The following MGAT4C variants were observed in gnomAD, a reference collection of about 807,000 sequenced individuals.
MGAT4C encodes alpha-1,3-mannosyl-glycoprotein 4-beta-N-acetylglucosaminyltransferase C.
A neutral mutation model predicts 40.1 loss-of-function variants in MGAT4C; 19 were observed. That is an observed-to-expected ratio of 0.47 (90% CI 0.33 to 0.70). The LOEUF (loss-of-function observed/expected upper bound fraction) is 0.70, where lower values mean the gene tolerates loss of function less well. Ranked by LOEUF, MGAT4C falls within the 30% of genes least tolerant of loss-of-function variation. MGAT4C has a pLI of 0.02. For synonymous variants in MGAT4C, 181 were observed against 187.1 expected (o/e 0.97, Z 0.27); for missense variants, 491 against 563.2 (o/e 0.87, Z 1.30).
At chr12:86,054,819 G>C (rs536461942) in intron 1 of MGAT4C, among the ~76,000 whole-genome samples, 1 of 151,866 alleles carries the variant, frequency 6.6e-6, no homozygotes, top group South Asian at 2.1e-4. Context: ...TGAAGTGTGG[G>C]CCTCTCATTT....
At chr12:86,166,569 G>A (rs1886215780) in intron 1 of MGAT4C, among the ~76,000 whole-genome samples, 1 of 152,180 alleles carries the variant, frequency 6.6e-6, no homozygotes, top group South Asian at 2.1e-4. Context: ...CTACTCGGGA[G>A]GCTGAGGCAT....
Position 85,969,575 on chromosome 12 carries a change from GA to G in MGAT4C, c.*9713del, listed in dbSNP as rs1032096021. On this transcript the variant is annotated 3_prime_UTR_variant, in exon 5 of 5. Coordinates refer to ENST00000611864, the MANE Select transcript of MGAT4C (RefSeq NM_001351288.2). ...TTAGATGTTCAAGTTTAAAAAATGA[GA>G]AAAAAATGTTTTACATGAAGAAACT... The G allele has an allele frequency of 1.3e-5, 2 of 151,258 alleles. No homozygotes were observed. The highest frequency in any genetic ancestry group is 1.3e-4 in the Admixed American group (2 of 15,160). 9.4% of individuals were successfully genotyped at this position (151,258 alleles called of 1,614,324 possible).
intron 1 of MGAT4C, among the ~76,000 whole-genome samples, chr12:86,743,660 A>G (rs937788084): frequency 1.3e-5 from 2 of 151,554 alleles, no homozygotes; most frequent in Non-Finnish European, 1.5e-5. Flanking sequence ...ATTGTTAAAC[A>G]AAGCCCAGGT....
intron 3 of MGAT4C, among the ~76,000 whole-genome samples, chr12:86,357,295 G>A (rs1054139903): frequency 6.6e-6 from 1 of 152,078 alleles, no homozygotes; most frequent in South Asian, 2.1e-4. Context: ...AAACAGAAAG[G>A]ACATCCACAC....
rs146987672 is a variant in MGAT4C, at chr12:86,632,226, G to A, written c.-229+94983C>T. ...ATGAGATAGCATCTCATACCAGTTAGAATGGGGATCATTAAAAAGTCAGGA... is the reference window on the plus strand; with the variant it reads ...ATGAGATAGCATCTCATACCAGTTAAAATGGGGATCATTAAAAAGTCAGGA... On this transcript the variant is annotated intron_variant, in intron 2 of 7. Transcript: ENST00000548651. 3.5e-3 allele frequency among the ~76,000 whole-genome samples: 526 copies of A among 152,218 alleles called. 4 individuals are homozygous for A. The highest frequency in any genetic ancestry group is 0.012 in the African/African-American group (507 of 41,488).
At chr12:86,752,022 A>G (rs781582754) in intron 1 of MGAT4C, among the ~76,000 whole-genome samples, 22 of 152,014 alleles carry the variant, frequency 1.4e-4, no homozygotes, top group Admixed American at 7.9e-4. Context: ...TTGGAGCACA[A>G]TGAGACACAG....
chr12:86,386,095 T>G (rs1956045453), intron 3 of MGAT4C, among the ~76,000 whole-genome samples: 1 of 152,114 alleles, frequency 6.6e-6, no homozygotes, highest in African/African-American at 2.4e-5. Context: ...CACGTCTGGC[T>G]AATTTTTTGT....
intron 1 of MGAT4C, among the ~76,000 whole-genome samples, chr12:86,816,630 G>A (rs1952613003): frequency 6.6e-6 from 1 of 151,564 alleles, no homozygotes; most frequent in South Asian, 2.1e-4. Flanking sequence ...TATCTTTTAT[G>A]TGAGAATTTG....
chr12:86,784,352 C>T (rs1330727488), intron 1 of MGAT4C, among the ~76,000 whole-genome samples: 2 of 152,054 alleles, frequency 1.3e-5, no homozygotes, highest in Non-Finnish European at 2.9e-5. Flanking sequence ...AACATTCATT[C>T]CTTCCTTCAT....
At chr12:86,205,491 T>C (rs1950216368) in intron 1 of MGAT4C, among the ~76,000 whole-genome samples, 2 of 151,686 alleles carry the variant, frequency 1.3e-5, no homozygotes, top group Non-Finnish European at 3.0e-5. Flanking sequence ...TCAACATTAG[T>C]TTAGTATCTA....
intron 2 of MGAT4C, among the ~76,000 whole-genome samples, chr12:86,014,229 G>A (rs1376490431): frequency 6.6e-6 from 1 of 151,952 alleles, no homozygotes; most frequent in Admixed American, 6.6e-5. Context: ...TTTAATTTTG[G>A]CAACGGCATT....
intron 3 of MGAT4C, among the ~76,000 whole-genome samples, chr12:86,348,576 C>T (rs1353728376): frequency 6.6e-6 from 1 of 152,006 alleles, no homozygotes; most frequent in South Asian, 2.1e-4. Context: ...TTTATGTGGC[C>T]CTGGCACTTG....
At chr12:86,129,927 AC>A (rs1880929289) in intron 1 of MGAT4C, among the ~76,000 whole-genome samples, 1 of 152,174 alleles carries the variant, frequency 6.6e-6, no homozygotes, top group African/African-American at 2.4e-5. Flanking sequence ...AACATAAAGC[AC>A]ATGCACTGTG....
intron 3 of MGAT4C, among the ~76,000 whole-genome samples, chr12:86,394,252 T>C (rs553586083): frequency 1.3e-5 from 2 of 152,194 alleles, no homozygotes; most frequent in African/African-American, 4.8e-5. Context: ...CATCAGACTA[T>C]CCGTTATTTG....
chr12:86,158,377 T>C (rs936684557), intron 1 of MGAT4C, among the ~76,000 whole-genome samples: 1 of 152,172 alleles, frequency 6.6e-6, no homozygotes, highest in African/African-American at 2.4e-5. Flanking sequence ...TTATGCATTA[T>C]TAAAATAAAG....
chr12:86,741,273 A>G (rs1412688948), intron 1 of MGAT4C, among the ~76,000 whole-genome samples: 1 of 151,334 alleles, frequency 6.6e-6, no homozygotes, highest in East Asian at 1.9e-4. Flanking sequence ...ACAATTTAAA[A>G]TAAAGACATT....
chr12:86,132,775 G>C (rs1434630776), intron 1 of MGAT4C, among the ~76,000 whole-genome samples: 5 of 115,002 alleles, frequency 4.3e-5, no homozygotes, highest in African/African-American at 1.8e-4. Context: ...CTGGGCTACA[G>C]AGCGAGACTC....
intron 2 of MGAT4C, among the ~76,000 whole-genome samples, chr12:86,692,585 T>C (rs985165604): frequency 6.6e-6 from 1 of 152,222 alleles, no homozygotes; most frequent in Non-Finnish European, 1.5e-5. Flanking sequence ...CTTATGGAGA[T>C]GAAAATAGTC....
rs534137605 is a variant in MGAT4C, at chr12:86,217,490, CTGTT to C, written c.-57+38745_-57+38748del. On this transcript the variant is annotated intron_variant, in intron 1 of 4. Coordinates refer to ENST00000611864, the MANE Select transcript of MGAT4C (RefSeq NM_001351288.2). ...AAAGAGAGGCTAAAGATGTCTGTGA[CTGTT>C]TGTAAACATGTTTTGTGCCACATTG... 5.3e-3 allele frequency among the ~76,000 whole-genome samples: 812 copies of C among 152,294 alleles called. 7 individuals carry two copies. Among genetic ancestry groups the C allele is most frequent in the African/African-American group, 0.019 (775 of 41,560 alleles).
Sources: gnomAD v4.1 joint callset for allele counts (sites outside exome capture counted in the v4.1 genomes callset) on GRCh38, gnomAD v4.1.1 for gene constraint, MANE v1.5 for transcripts, NCBI Gene and HGNC (gene_info 2026-07-23, HGNC 2026-07-21) for gene names.